Variants in PHLDB2 observed in about 807,000 individuals in gnomAD.
PHLDB2 encodes the protein pleckstrin homology like domain family B member 2.
Under a neutral mutation model 123.6 loss-of-function variants are expected in PHLDB2, and 71 were observed. That is an observed-to-expected ratio of 0.57 (90% CI 0.47 to 0.70). The LOEUF is 0.70. Among genes scored for constraint, PHLDB2 ranks in the 30% least tolerant of loss-of-function variants. PHLDB2 has a pLI of 0.00. For synonymous variants in PHLDB2, 547 were observed against 541.6 expected (o/e 1.01, Z -0.14); for missense variants, 1,446 against 1,519.5 (o/e 0.95, Z 0.80).
chr3:111,967,894 CTG>C, intron 15 of PHLDB2, 70 bp downstream of exon 15: 1 of 1,350,882 alleles, frequency 7.4e-7, no homozygotes, highest in South Asian at 1.5e-5. Flanking sequence ...GACAGCTGTT[CTG>C]TGTCTGAGGA....
At chr3:111,963,119 T>C (rs2071520096) in intron 13 of PHLDB2, among the ~76,000 whole-genome samples, 1 of 152,140 alleles carries the variant, frequency 6.6e-6, no homozygotes, top group South Asian at 2.1e-4. Flanking sequence ...GCAAAGGTGG[T>C]CTTAACATAT....
chr3:111,941,353 G>A (rs6438022), intron 8 of PHLDB2, among the ~76,000 whole-genome samples: 73,659 of 152,042 alleles, frequency 0.48, 18,774 homozygotes, highest in Non-Finnish European at 0.57. Context: ...TCTGAACCCT[G>A]CATTTATGCC....
At chr3:111,911,755 C>A in intron 2 of PHLDB2, 1 of 1,511,068 alleles carries the variant, frequency 6.6e-7, no homozygotes, top group African/African-American at 1.4e-5. Context: ...GTTTATTAGT[C>A]CTTTTGATCA....
chr3:111,969,679 C>T lies in PHLDB2; in HGVS notation c.3316-11C>T. 1 of 1,610,956 alleles carries T rather than the reference C, an allele frequency of 6.2e-7. No homozygotes were observed. Among genetic ancestry groups the T allele is most frequent in the Non-Finnish European group, 8.5e-7 (1 of 1,177,450 alleles). ...TTAGCTATAGATGCAATGGGTTTTGCACTTTTCCAGGCTCGTCCTTTGACA... is the reference window on the plus strand; with the variant it reads ...TTAGCTATAGATGCAATGGGTTTTGTACTTTTCCAGGCTCGTCCTTTGACA... On this transcript the variant is annotated splice_polypyrimidine_tract_variant and intron_variant, in intron 15 of 17. Coordinates refer to ENST00000431670, the MANE Select transcript of PHLDB2 (RefSeq NM_001134438.2).
chr3:111,967,920 A>G (rs1255069684), intron 15 of PHLDB2, 96 bp downstream of exon 15: 2 of 1,036,398 alleles, frequency 1.9e-6, no homozygotes, highest in Non-Finnish European at 2.6e-6. Flanking sequence ...TTTCCTGGGC[A>G]CTGAGCATTA....
intron 14 of PHLDB2, 95 bp downstream of exon 14, chr3:111,966,798 T>G (rs1239190624): frequency 3.4e-6 from 3 of 877,872 alleles, no homozygotes; most frequent in Non-Finnish European, 5.4e-6. Flanking sequence ...AGGAGCCGTG[T>G]GTTCCTGGAA....
chr3:111,866,692 G>T (rs1169636768), intron 1 of PHLDB2, among the ~76,000 whole-genome samples: 2 of 152,108 alleles, frequency 1.3e-5, no homozygotes, highest in African/African-American at 2.4e-5. Context: ...TCTCTTGCTT[G>T]AAATTAGCTT....
intron 2 of PHLDB2, among the ~76,000 whole-genome samples, chr3:111,899,711 G>A (rs770202998): frequency 9.2e-5 from 14 of 152,216 alleles, no homozygotes; most frequent in Non-Finnish European, 1.8e-4. Flanking sequence ...TTTGAAGCCA[G>A]GCATTGACTT....
intron 1 of PHLDB2, among the ~76,000 whole-genome samples, chr3:111,835,135 GC>G (rs1028249260): frequency 6.6e-6 from 1 of 152,070 alleles, no homozygotes; most frequent in African/African-American, 2.4e-5. Context: ...ACTTGCACAT[GC>G]CTTAAATATT....
At chr3:111,870,450 G>A (rs917987297) in intron 1 of PHLDB2, among the ~76,000 whole-genome samples, 1 of 152,130 alleles carries the variant, frequency 6.6e-6, no homozygotes, top group African/African-American at 2.4e-5. Context: ...AGAGGATGAG[G>A]AAAATAAGCT....
intron 1 of PHLDB2, among the ~76,000 whole-genome samples, chr3:111,840,639 A>G (rs2063643859): frequency 6.6e-6 from 1 of 152,194 alleles, no homozygotes; most frequent in African/African-American, 2.4e-5. Flanking sequence ...TCTTAGGGCC[A>G]CATAAATTAA....
intron 1 of PHLDB2, among the ~76,000 whole-genome samples, chr3:111,820,803 G>A (rs113264063): frequency 6.6e-6 from 1 of 152,214 alleles, no homozygotes; most frequent in Admixed American, 6.5e-5. Context: ...CTCTATAAAT[G>A]TGAGAACTAT....
chr3:111,902,407 A>G (rs2067252252), intron 2 of PHLDB2, among the ~76,000 whole-genome samples: 2 of 152,220 alleles, frequency 1.3e-5, no homozygotes. Flanking sequence ...ACAGTGAGCC[A>G]TGATCACATT....
chr3:111,843,072 G>A (rs2063765998), intron 1 of PHLDB2, among the ~76,000 whole-genome samples: 1 of 151,480 alleles, frequency 6.6e-6, no homozygotes, highest in Admixed American at 6.6e-5. Flanking sequence ...TTACATATGA[G>A]TTTTTGTGAG....
upstream of PHLDB2, among the ~76,000 whole-genome samples, chr3:111,858,928 C>A (rs1275698237): frequency 2.0e-5 from 3 of 152,120 alleles, no homozygotes; most frequent in Non-Finnish European, 4.4e-5. Flanking sequence ...GGCTGGTGGA[C>A]CTCTACATCA....
chr3:111,966,516 T>G (rs866923463), intron 13 of PHLDB2, 97 bp from the exon 14 acceptor site: 663 of 567,996 alleles, frequency 1.2e-3, no homozygotes, highest in Middle Eastern at 2.2e-3. Flanking sequence ...TGTGTGTGTG[T>G]GTGTGTCTGG....
At chr3:111,760,591 T>C (rs748777659) in intron 1 of PHLDB2, among the ~76,000 whole-genome samples, 5 of 152,206 alleles carry the variant, frequency 3.3e-5, no homozygotes, top group African/African-American at 2.4e-5. Context: ...TGTGTTGGAC[T>C]GCGGGACTCA....
In PHLDB2 at chr3:111,967,741, G is replaced by T; in HGVS notation, c.3232G>T (p.Glu1078Ter). ...AGAAAAACGACGCCGGGAAATCCTG[G>T]AAAAACGATTACAGGAAGAAACTAG... The part of the protein sequence containing the change: ...EEEKRRREIL[E>*]KRLQEETSQR... The change falls in exon 15 of 18, where the codon GAA (glutamate) becomes TAA (stop). Residue 1078 changes from glutamate to a stop codon, truncating the protein, a stop_gained. Coordinates refer to ENST00000431670, the MANE Select transcript of PHLDB2 (RefSeq NM_001134438.2). LOFTEE classifies it high-confidence loss of function. The T allele has an allele frequency of 6.2e-7, 1 of 1,612,860 alleles. No homozygotes were observed. The highest frequency in any genetic ancestry group is 8.5e-7 in the Non-Finnish European group (1 of 1,179,590).
intron 2 of PHLDB2, among the ~76,000 whole-genome samples, chr3:111,906,705 G>A (rs1431866180): frequency 6.6e-6 from 1 of 152,158 alleles, no homozygotes; most frequent in African/African-American, 2.4e-5. Flanking sequence ...GGGAGAATAG[G>A]CATTAGCATA....
Sources: gnomAD v4.1 joint callset for allele counts (sites outside exome capture counted in the v4.1 genomes callset) on GRCh38, gnomAD v4.1.1 for gene constraint, MANE v1.5 for transcripts, NCBI Gene and HGNC (gene_info 2026-07-23, HGNC 2026-07-21) for gene names.